MAD1L1: variants seen among roughly 807,000 people sequenced by gnomAD.
MAD1L1 encodes the protein mitotic spindle assembly checkpoint protein MAD1.
In MAD1L1, 95 loss-of-function variants were observed where a neutral mutation model predicts 96.9. The observed-to-expected ratio is 0.98, with a 90% CI of 0.83 to 1.16. The LOEUF is 1.16. Ranked by LOEUF, MAD1L1 falls within the 50% of genes most tolerant of loss-of-function variation. The probability of loss-of-function intolerance (pLI) is 0.00; values close to 1 mark genes in which losing one functional copy is unlikely to be tolerated. For synonymous variants in MAD1L1, 473 were observed against 396.6 expected (o/e 1.19, Z -2.29); for missense variants, 1,007 against 954.4 (o/e 1.06, Z -0.73).
chr7:2,097,308 G>C (rs886260048), intron 11 of MAD1L1, among the ~76,000 whole-genome samples: 1 of 152,168 alleles, frequency 6.6e-6, no homozygotes, highest in African/African-American at 2.4e-5. Flanking sequence ...GGAGATGACC[G>C]CTAAGGCCTC....
chr7:2,166,491 C>G (rs1790434093), intron 10 of MAD1L1, among the ~76,000 whole-genome samples: 1 of 152,186 alleles, frequency 6.6e-6, no homozygotes, highest in African/African-American at 2.4e-5. Flanking sequence ...AAAAAAAGCC[C>G]TCAGAACCTT....
intron 17 of MAD1L1, among the ~76,000 whole-genome samples, chr7:1,910,825 C>A (rs1412582808): frequency 1.3e-5 from 2 of 152,212 alleles, no homozygotes; most frequent in African/African-American, 4.8e-5. Context: ...TTGTCCCCAC[C>A]TTCTGGATGG....
At chr7:1,989,416 C>G (rs1388994017) in intron 14 of MAD1L1, among the ~76,000 whole-genome samples, 1 of 152,240 alleles carries the variant, frequency 6.6e-6, no homozygotes, top group Non-Finnish European at 1.5e-5. Flanking sequence ...GTATGTTTGA[C>G]TGAGATGAAG....
intron 11 of MAD1L1, among the ~76,000 whole-genome samples, chr7:2,111,039 G>T (rs1787350706): frequency 6.6e-6 from 1 of 152,174 alleles, no homozygotes; most frequent in Non-Finnish European, 1.5e-5. Context: ...AAGCAGCAGG[G>T]TACAAAGAGC....
At chr7:2,064,103 C>A (rs187416721) in intron 12 of MAD1L1, among the ~76,000 whole-genome samples, 2 of 152,266 alleles carry the variant, frequency 1.3e-5, no homozygotes, top group African/African-American at 4.8e-5. Flanking sequence ...GCTAACCCTG[C>A]CGAGACACTG....
At chr7:1,936,979 C>G (rs1778649151) in intron 16 of MAD1L1, 82 bp from the exon 17 acceptor site, 2 of 1,120,616 alleles carry the variant, frequency 1.8e-6, no homozygotes, top group Admixed American at 4.4e-5. Flanking sequence ...GTCACCATGG[C>G]CCAGGAAGAC....
rs752217689 is a variant in MAD1L1, at chr7:1,898,263, C to T, written c.1935G>A (p.Thr645=). The T allele has an allele frequency of 1.4e-5, 23 of 1,614,148 alleles. No individual in the cohort carries two copies. The South Asian group carries it at 1.4e-4, about 10-fold the overall frequency. ...GCGAGGTCAGCCGGTACTGGTTCTCCGTGGTGATGTCGATCTGGTAGCCGG... is the reference window on the plus strand; with the variant it reads ...GCGAGGTCAGCCGGTACTGGTTCTCTGTGGTGATGTCGATCTGGTAGCCGG... ...TLTGYQIDIT[T]ENQYRLTSLY... is the part of the protein sequence containing the mutation. The change falls in exon 18 of 19, where the codon ACG becomes ACA. Residue 645 remains threonine, a synonymous_variant. Transcript: ENST00000265854.
intron 11 of MAD1L1, among the ~76,000 whole-genome samples, chr7:2,073,641 C>CCTA (rs577704521): frequency 0.046 from 6,979 of 152,298 alleles, 561 homozygotes; most frequent in African/African-American, 0.16. Context: ...CCTTACAGAC[C>CCTA]CGGTCTGAGG....
Position 2,001,180 on chromosome 7 carries a change from C to A in MAD1L1, c.1416+885G>T, listed in dbSNP as rs558085546. On this transcript the variant is annotated intron_variant, in intron 14 of 18. Coordinates refer to ENST00000265854, the MANE Select transcript of MAD1L1 (RefSeq NM_001013836.2). Reference sequence around the variant, plus strand: ...GGCAAGCAAGGATGCCCGACGGGAGCCTCGACCTGGGCTGCAGGCCCTGGG... The same window carrying A: ...GGCAAGCAAGGATGCCCGACGGGAGACTCGACCTGGGCTGCAGGCCCTGGG... Among the ~76,000 whole-genome samples, 3 of 152,370 alleles carry A rather than the reference C, an allele frequency of 2.0e-5. No homozygotes were observed. The South Asian group carries it at 6.2e-4, about 32-fold the overall frequency.
At chr7:2,134,335 G>A (rs929312257) in intron 11 of MAD1L1, among the ~76,000 whole-genome samples, 5 of 152,122 alleles carry the variant, frequency 3.3e-5, no homozygotes, top group African/African-American at 1.2e-4. Context: ...GGCGTGTATG[G>A]CCCATACCCT....
At chr7:1,915,016 G>A (rs1257489484) in intron 17 of MAD1L1, among the ~76,000 whole-genome samples, 3 of 152,108 alleles carry the variant, frequency 2.0e-5, no homozygotes, top group Non-Finnish European at 4.4e-5. Flanking sequence ...TTCCAGAGCC[G>A]AGCCCTCCCT....
At chr7:1,840,829 G>A (rs1009499421) in intron 18 of MAD1L1, among the ~76,000 whole-genome samples, 1 of 152,228 alleles carries the variant, frequency 6.6e-6, no homozygotes, top group Non-Finnish European at 1.5e-5. Context: ...ACTTGGACCT[G>A]AGCAGCCTCC....
At chr7:2,008,823 A>G (rs1782156314) in intron 13 of MAD1L1, among the ~76,000 whole-genome samples, 1 of 112,970 alleles carries the variant, frequency 8.9e-6, no homozygotes, top group South Asian at 3.7e-4. Context: ...GCAGACACGC[A>G]GGAAGCTCAG....
At chr7:1,898,080 C>G (rs1197980185) in intron 18 of MAD1L1, 120 bp downstream of exon 18, 6 of 1,073,662 alleles carry the variant, frequency 5.6e-6, no homozygotes, top group Non-Finnish European at 8.2e-6. Flanking sequence ...TCCCGCCCAG[C>G]CCTCCACACC....
At chr7:2,055,151 G>C (rs548945093) in intron 12 of MAD1L1, among the ~76,000 whole-genome samples, 1 of 152,276 alleles carries the variant, frequency 6.6e-6, no homozygotes, top group East Asian at 1.9e-4. Context: ...GGCGGTGCGT[G>C]CCACGACAGC....
intron 17 of MAD1L1, among the ~76,000 whole-genome samples, chr7:1,913,995 G>C (rs567756549): frequency 6.7e-6 from 1 of 149,082 alleles, no homozygotes; most frequent in African/African-American, 2.5e-5. Flanking sequence ...GGGTAGACAA[G>C]CTCCCAGGGC....
chr7:2,036,717 C>T (rs1562626487), intron 12 of MAD1L1, among the ~76,000 whole-genome samples: 1 of 152,138 alleles, frequency 6.6e-6, no homozygotes, highest in Non-Finnish European at 1.5e-5. Flanking sequence ...GCCTGTCCCA[C>T]CTCCCCAAGG....
chr7:1,895,459 A>G (rs573177019), intron 18 of MAD1L1, among the ~76,000 whole-genome samples: 1 of 152,278 alleles, frequency 6.6e-6, no homozygotes, highest in African/African-American at 2.4e-5. Context: ...CCCACCCCGC[A>G]GCTCTCAGCC....
chr7:2,009,877 C>T (rs944337197), intron 13 of MAD1L1, among the ~76,000 whole-genome samples: 1 of 152,080 alleles, frequency 6.6e-6, no homozygotes, highest in Non-Finnish European at 1.5e-5. Flanking sequence ...GGGGTGGCAC[C>T]GGCGTGTCAC....
Sources: gnomAD v4.1 joint callset for allele counts (sites outside exome capture counted in the v4.1 genomes callset) on GRCh38, gnomAD v4.1.1 for gene constraint, MANE v1.5 for transcripts, NCBI Gene and HGNC (gene_info 2026-07-23, HGNC 2026-07-21) for gene names.